CYP7B1: variants seen among roughly 807,000 people sequenced by gnomAD.
CYP7B1 encodes the protein cytochrome P450 family 7 subfamily B member 1.
A neutral mutation model predicts 42.7 loss-of-function variants in CYP7B1; 29 were observed. That is an observed-to-expected ratio of 0.68 (90% CI 0.51 to 0.93). The LOEUF is 0.93. Among genes scored for constraint, CYP7B1 ranks in the 40% least tolerant of loss-of-function variants. The pLI, the probability that CYP7B1 is intolerant of heterozygous loss-of-function variation, is 0.00. For missense variants in CYP7B1, 655 were observed against 600.5 expected (o/e 1.09, Z -0.95); for synonymous variants, 235 against 218.2 (o/e 1.08, Z -0.68).
At chr8:64,638,426 AAAT>A (rs1805806142) in intron 1 of CYP7B1, among the ~76,000 whole-genome samples, 1 of 152,182 alleles carries the variant, frequency 6.6e-6, no homozygotes, top group South Asian at 2.1e-4. Context: ...CATGGTATAC[AAAT>A]ATACAGTAGT....
intron 1 of CYP7B1, among the ~76,000 whole-genome samples, chr8:64,656,036 G>A (rs913908657): frequency 6.6e-6 from 1 of 152,042 alleles, no homozygotes; most frequent in Non-Finnish European, 1.5e-5. Flanking sequence ...GGAGGGAGAG[G>A]AGCAGAAAAG....
intron 1 of CYP7B1, among the ~76,000 whole-genome samples, chr8:64,642,316 C>T (rs1805869762): frequency 6.6e-6 from 1 of 151,480 alleles, no homozygotes; most frequent in Admixed American, 6.6e-5. Flanking sequence ...TAATGTGTCA[C>T]AATCTATTGT....
intron 1 of CYP7B1, among the ~76,000 whole-genome samples, chr8:64,661,374 T>C (rs1365294063): frequency 3.3e-5 from 5 of 152,204 alleles, no homozygotes; most frequent in African/African-American, 7.2e-5. Flanking sequence ...TCAGTCTTCC[T>C]GAAAGTTAGC....
intron 1 of CYP7B1, among the ~76,000 whole-genome samples, chr8:64,636,515 C>A: frequency 6.6e-6 from 1 of 152,166 alleles, no homozygotes; most frequent in Non-Finnish European, 1.5e-5. Flanking sequence ...CAAATCTAAT[C>A]ATGGCTCTCT....
At chr8:64,755,634 G>T (rs1216776334) in intron 1 of CYP7B1, among the ~76,000 whole-genome samples, 1 of 152,064 alleles carries the variant, frequency 6.6e-6, no homozygotes, top group African/African-American at 2.4e-5. Context: ...GGTCAGGCTG[G>T]AGACCGGCAA....
intron 1 of CYP7B1, among the ~76,000 whole-genome samples, chr8:64,716,371 T>G (rs1035826438): frequency 3.9e-5 from 6 of 152,186 alleles, no homozygotes; most frequent in Non-Finnish European, 7.4e-5. Context: ...TTTGTTAAAT[T>G]TATCCCTAAA....
chr8:64,672,050 T>C lies in CYP7B1; in HGVS notation c.123-47511A>G, dbSNP rs138661243. ...CTGAAATAAGAGCTGACATTCTCAT[T>C]ACTTTTTTTGTTCCTTCCATAGATC... On this transcript the variant is annotated intron_variant, in intron 1 of 5. Transcript: ENST00000310193. Among the ~76,000 whole-genome samples the C allele has an allele frequency of 2.7e-4, 41 of 152,276 alleles. No individual in the cohort carries two copies. In the East Asian group the frequency reaches 6.6e-3, roughly 24 times the overall value.
At position 64,738,548 on chromosome 8, in the gene CYP7B1, G is replaced by GCACACA. The variant is rs147173746; in HGVS notation, c.122+59912_122+59917dup. ...ATAATACAAGAAAACACACACACAC[G>GCACACA]CACACACACACACACACGCATATAA... On this transcript the variant is annotated intron_variant, in intron 1 of 5. Coordinates refer to ENST00000310193, the MANE Select transcript of CYP7B1 (RefSeq NM_004820.5). 2.0e-5 allele frequency among the ~76,000 whole-genome samples: 3 copies of GCACACA among 148,288 alleles called. No homozygotes were observed. In the South Asian group the frequency reaches 6.4e-4, roughly 32 times the overall value.
At chr8:64,702,916 T>C (rs1409466276) in intron 1 of CYP7B1, among the ~76,000 whole-genome samples, 2 of 152,098 alleles carry the variant, frequency 1.3e-5, no homozygotes, top group African/African-American at 4.8e-5. Context: ...TTCCATATTA[T>C]AATTTTCATA....
chr8:64,707,221 A>G (rs1246098659), intron 1 of CYP7B1, among the ~76,000 whole-genome samples: 7 of 152,092 alleles, frequency 4.6e-5, no homozygotes, highest in Non-Finnish European at 4.4e-5. Flanking sequence ...CTAGAGGCCA[A>G]GAAAATGAAT....
At chr8:64,730,755 A>G (rs900882251) in intron 1 of CYP7B1, among the ~76,000 whole-genome samples, 7 of 150,844 alleles carry the variant, frequency 4.6e-5, no homozygotes, top group Non-Finnish European at 8.9e-5. Context: ...CTGTCTGCAC[A>G]CACACACACA....
chr8:64,787,880 A>G (rs1196586950), intron 1 of CYP7B1, among the ~76,000 whole-genome samples: 1 of 152,210 alleles, frequency 6.6e-6, no homozygotes, highest in Admixed American at 6.5e-5. Flanking sequence ...CTGAAGGGGA[A>G]GCAAATATGT....
intron 1 of CYP7B1, among the ~76,000 whole-genome samples, chr8:64,681,825 G>A (rs1806543192): frequency 6.6e-6 from 1 of 152,048 alleles, no homozygotes; most frequent in Admixed American, 6.5e-5. Flanking sequence ...CCAGATTCTC[G>A]GACCTCAGAA....
intron 1 of CYP7B1, among the ~76,000 whole-genome samples, chr8:64,748,167 C>T (rs1807672929): frequency 1.3e-5 from 2 of 152,158 alleles, no homozygotes; most frequent in African/African-American, 4.8e-5. Flanking sequence ...ACTATTCAGT[C>T]ATCTTTGCCC....
intron 1 of CYP7B1, among the ~76,000 whole-genome samples, chr8:64,729,337 C>A (rs994814287): frequency 6.6e-6 from 1 of 152,196 alleles, no homozygotes; most frequent in African/African-American, 2.4e-5. Context: ...TGCACACATA[C>A]ACACATTCAT....
chr8:64,626,149 A>G (rs983229487), intron 1 of CYP7B1, among the ~76,000 whole-genome samples: 9 of 152,294 alleles, frequency 5.9e-5, no homozygotes, highest in African/African-American at 2.2e-4. Flanking sequence ...AGTTTCCTTA[A>G]AGTCATGAAA....
At chr8:64,791,683 G>A (rs995016526) in intron 1 of CYP7B1, among the ~76,000 whole-genome samples, 7 of 152,216 alleles carry the variant, frequency 4.6e-5, no homozygotes, top group African/African-American at 1.4e-4. Flanking sequence ...AACTGTAAGA[G>A]AAGAAATTCT....
At chr8:64,756,087 G>GA (rs1807803955) in intron 1 of CYP7B1, among the ~76,000 whole-genome samples, 1 of 152,196 alleles carries the variant, frequency 6.6e-6, no homozygotes. Flanking sequence ...GATAACCAGA[G>GA]AAAGAAGTGT....
At chr8:64,761,713 C>A (rs1807893877) in intron 1 of CYP7B1, among the ~76,000 whole-genome samples, 1 of 152,128 alleles carries the variant, frequency 6.6e-6, no homozygotes, top group African/African-American at 2.4e-5. Flanking sequence ...TACTTAGTGG[C>A]ATGTGTTTTA....
Sources: allele counts gnomAD v4.1 joint callset (sites outside exome capture counted in the v4.1 genomes callset), GRCh38; gene constraint gnomAD v4.1.1; transcripts MANE v1.5; gene names NCBI Gene and HGNC (gene_info 2026-07-23, HGNC 2026-07-21).